Variants in FH observed in about 807,000 individuals in gnomAD.
FH encodes the protein fumarate hydratase, mitochondrial.
A neutral mutation model predicts 49.4 loss-of-function variants in FH; 22 were observed. That is an observed-to-expected ratio of 0.45 (90% CI 0.32 to 0.64). The LOEUF (loss-of-function observed/expected upper bound fraction) is 0.64. Among genes scored for constraint, FH ranks in the 30% least tolerant of loss-of-function variants. The pLI, the probability that FH is intolerant of heterozygous loss-of-function variation, is 0.05. For missense variants in FH, 526 were observed against 641.5 expected (o/e 0.82, Z 1.95); for synonymous variants, 208 against 223.0 (o/e 0.93, Z 0.60).
At chr1:241,519,498 A>C in intron 1 of FH, 93 bp downstream of exon 1, 1 of 1,430,792 alleles carries the variant, frequency 7.0e-7, no homozygotes. Context: ...ACGCCCGGGG[A>C]ATCTCTCCCG....
chr1:241,510,798 G>A (rs1022598788), intron 4 of FH, among the ~76,000 whole-genome samples: 1 of 152,098 alleles, frequency 6.6e-6, no homozygotes, highest in African/African-American at 2.4e-5. Flanking sequence ...ATGCAGGCAG[G>A]GTTTAGTGAC....
In FH at chr1:241,513,830, T is replaced by C. The variant is rs1660152039; in HGVS notation, c.268-117A>G. 6 of 756,394 alleles carry C rather than the reference T, an allele frequency of 7.9e-6. No homozygotes were observed. In the Admixed American group the frequency reaches 1.1e-4, roughly 14 times the overall value. 46.9% of individuals were successfully genotyped at this position (756,394 alleles called of 1,614,324 possible). ...CAATAACAATAAAACAGTAACACTA[T>C]AGCTCTAAAATGTTTCGGTTATAGA... On this transcript the variant is annotated intron_variant, in intron 2 of 9. Transcript: ENST00000366560.
chr1:241,503,819 T>C (rs1246586394), intron 7 of FH, among the ~76,000 whole-genome samples: 1 of 152,274 alleles, frequency 6.6e-6, no homozygotes, highest in Non-Finnish European at 1.5e-5. Context: ...CATTTTCTAA[T>C]GTGGGATTCG....
chr1:241,506,855 A>G (rs1222760860), intron 5 of FH, among the ~76,000 whole-genome samples: 1 of 152,198 alleles, frequency 6.6e-6, no homozygotes, highest in Non-Finnish European at 1.5e-5. Flanking sequence ...TTGAACACAG[A>G]AAGGGCTCTA....
chr1:241,500,407 A>G (rs1659740237), intron 9 of FH, 30 bp downstream of exon 9: 1 of 1,609,426 alleles, frequency 6.2e-7, no homozygotes, highest in African/African-American at 1.3e-5. Flanking sequence ...TTTGCATTCA[A>G]AATGATATTA....
intron 4 of FH, 103 bp downstream of exon 4, chr1:241,511,864 T>C (rs1660091826): frequency 8.9e-7 from 1 of 1,128,656 alleles, no homozygotes; most frequent in African/African-American, 1.5e-5. Context: ...ATCCATTAAA[T>C]AATGAACACT....
At chr1:241,501,277 T>A (rs1444983834) in intron 8 of FH, among the ~76,000 whole-genome samples, 1 of 152,218 alleles carries the variant, frequency 6.6e-6, no homozygotes, top group Non-Finnish European at 1.5e-5. Flanking sequence ...CTTCCAACAA[T>A]GGACTCTAAG....
chr1:241,498,640 T>C (rs948938494), intron 9 of FH, among the ~76,000 whole-genome samples: 3 of 143,942 alleles, frequency 2.1e-5, no homozygotes, highest in Non-Finnish European at 4.5e-5. Flanking sequence ...TCAGAGTTAT[T>C]TGCTTTTCAA....
At chr1:241,518,547 T>C (rs933733039) in intron 1 of FH, among the ~76,000 whole-genome samples, 2 of 152,222 alleles carry the variant, frequency 1.3e-5, no homozygotes, top group African/African-American at 4.8e-5. Flanking sequence ...GAAAAAGTAC[T>C]GGCCCTTTGA....
Position 241,512,149 on chromosome 1 carries a change from G to C in FH, c.379-6C>G, listed in dbSNP as rs1558400654. ...TTTAATTTACCTTCAGCTACCTGCA[G>C]AAAAAATGTTAAAAATGTATTTTAA... On this transcript the variant is annotated splice_region_variant and splice_polypyrimidine_tract_variant and intron_variant, in intron 3 of 9. Coordinates refer to ENST00000366560, the MANE Select transcript of FH (RefSeq NM_000143.4). 1.2e-6 allele frequency: 2 copies of C among 1,612,148 alleles called. No homozygotes were observed.
chr1:241,503,683 C>T (rs894033145), intron 7 of FH, among the ~76,000 whole-genome samples: 3 of 152,264 alleles, frequency 2.0e-5, no homozygotes, highest in Non-Finnish European at 4.4e-5. Flanking sequence ...GAAATCCAGA[C>T]ATACACTGTT....
rs115333876 is a variant in FH at position 241,503,264 on chromosome 1, T to C, written c.1109-694A>G. Among the ~76,000 whole-genome samples the C allele has an allele frequency of 3.1e-3, 476 of 152,322 alleles. 2 individuals carry two copies. Among genetic ancestry groups the C allele is most frequent in the Non-Finnish European group, 5.4e-3 (364 of 68,010 alleles). ...TAAACCTTTATGTCATTCTTCAACA[T>C]GAAGTACTTTAAAACAAAATTTCAT... is the stretch of plus-strand genomic sequence containing the variant. On this transcript the variant is annotated intron_variant, in intron 7 of 9. Coordinates refer to ENST00000366560, the MANE Select transcript of FH (RefSeq NM_000143.4).
Position 241,497,792 on chromosome 1 carries a change from T to G in FH, c.*36A>C. 1 of 1,533,166 alleles carries G rather than the reference T, an allele frequency of 6.5e-7. No individual in the cohort carries two copies. Among genetic ancestry groups the G allele is most frequent in the Non-Finnish European group, 8.8e-7 (1 of 1,133,304 alleles). The allele number at this position is 1,533,166 out of a possible 1,614,324, so 95.0% of individuals were successfully genotyped here. ...AAATGGGAGTCTGTTTTTTTAAATT[T>G]TATACATGTTTATTTTCATTATAAA... On this transcript the variant is annotated 3_prime_UTR_variant, in exon 10 of 10. Coordinates refer to ENST00000366560, the MANE Select transcript of FH (RefSeq NM_000143.4).
At chr1:241,505,751 AAACT>A (rs960089092) in intron 6 of FH, among the ~76,000 whole-genome samples, 2 of 152,228 alleles carry the variant, frequency 1.3e-5, no homozygotes, top group South Asian at 4.1e-4. Flanking sequence ...AATTAATTGA[AAACT>A]AACTAGTAAA....
Position 241,497,770 on chromosome 1 carries a change from TG to T in FH, c.*57del, listed in dbSNP as rs1031542074. The T allele has an allele frequency of 5.5e-6, 8 of 1,455,304 alleles. No individual in the cohort carries two copies. The African/African-American group carries it at 9.9e-5, about 18-fold the overall frequency. The allele number at this position is 1,455,304 out of a possible 1,614,324, so 90.1% of individuals were successfully genotyped here. A position where few individuals can be genotyped will look rare whatever the true frequency, so the allele number is the denominator to read the frequency against. ...TTCAAACTTATCCGTTTTTAAGAAATGGGAGTCTGTTTTTTTAAATTTTATA... is the reference window on the plus strand; with the variant it reads ...TTCAAACTTATCCGTTTTTAAGAAATGGAGTCTGTTTTTTTAAATTTTATA... On this transcript the variant is annotated 3_prime_UTR_variant, in exon 10 of 10. Coordinates refer to ENST00000366560, the MANE Select transcript of FH (RefSeq NM_000143.4).
chr1:241,504,349 AT>A, intron 6 of FH, 104 bp from the exon 7 acceptor site: 3 of 1,112,272 alleles, frequency 2.7e-6, no homozygotes, highest in Non-Finnish European at 2.6e-6. Flanking sequence ...AAAAATAAAA[AT>A]TTTACTTCAG....
chr1:241,503,931 T>C, intron 7 of FH, 111 bp downstream of exon 7: 1 of 1,130,930 alleles, frequency 8.8e-7, no homozygotes, highest in Non-Finnish European at 1.3e-6. Flanking sequence ...CAGTGCGCCT[T>C]GCGCATCCAG....
chr1:241,498,730 T>C lies in FH; in HGVS notation c.1391-760A>G, dbSNP rs1420968191. Among the ~76,000 whole-genome samples, 12 of 96,286 alleles carry C rather than the reference T, an allele frequency of 1.2e-4. 2 individuals carry two copies. The highest frequency in any genetic ancestry group is 5.4e-4 in the African/African-American group (12 of 22,026). The allele number at this position is 96,286 out of a possible 152,430, so 63.2% of individuals were successfully genotyped here. On this transcript the variant is annotated intron_variant, in intron 9 of 9. Coordinates refer to ENST00000366560, the MANE Select transcript of FH (RefSeq NM_000143.4). The stretch of plus-strand genomic sequence containing the variant: ...ATATATATATATATATATATATATA[T>C]ATATATATATATGTCAAGAAGAAAA...
chr1:241,517,503 C>G (rs1396754556), intron 1 of FH, among the ~76,000 whole-genome samples, 187 bp from the exon 2 acceptor site: 1 of 152,180 alleles, frequency 6.6e-6, no homozygotes, highest in East Asian at 1.9e-4. Context: ...GTCACACAAA[C>G]TTATTAATTC....
Sources: gnomAD v4.1 joint callset for allele counts (sites outside exome capture counted in the v4.1 genomes callset) on GRCh38, gnomAD v4.1.1 for gene constraint, MANE v1.5 for transcripts, NCBI Gene and HGNC (gene_info 2026-07-23, HGNC 2026-07-21) for gene names.